Variants in APP observed in about 807,000 individuals in gnomAD.
The protein encoded by APP is amyloid-beta precursor protein.
Under a neutral mutation model 101.4 loss-of-function variants are expected in APP, and 31 were observed. The ratio of observed to expected loss-of-function variants is 0.31; its 90% confidence interval spans 0.23 to 0.41. The LOEUF (loss-of-function observed/expected upper bound fraction) is 0.41, where lower values mean the gene tolerates loss of function less well. APP is among the 10% of genes least tolerant of loss of function. APP has a pLI of 1.00. For synonymous variants in APP, 366 were observed against 364.4 expected (o/e 1.00, Z -0.05); for missense variants, 839 against 1,003.7 (o/e 0.84, Z 2.22).
chr21:25,951,068 G>C (rs1439935862), intron 13 of APP, among the ~76,000 whole-genome samples: 2 of 152,146 alleles, frequency 1.3e-5, no homozygotes, highest in African/African-American at 4.8e-5. Flanking sequence ...CATGAATTTG[G>C]GATTCACTGA....
At chr21:25,950,545 C>A (rs894440265) in intron 13 of APP, among the ~76,000 whole-genome samples, 1 of 151,960 alleles carries the variant, frequency 6.6e-6, no homozygotes, top group African/African-American at 2.4e-5. Context: ...CCATGCCTGG[C>A]TAATCTTTCT....
At chr21:25,909,341 A>G (rs2038950001) in intron 14 of APP, among the ~76,000 whole-genome samples, 1 of 152,090 alleles carries the variant, frequency 6.6e-6, no homozygotes, top group African/African-American at 2.4e-5. Flanking sequence ...ATATATGTCA[A>G]TGTTGGGACT....
At chr21:26,046,888 G>T (rs570376410) in intron 5 of APP, among the ~76,000 whole-genome samples, 1 of 152,018 alleles carries the variant, frequency 6.6e-6, no homozygotes, top group East Asian at 1.9e-4. Context: ...ATTTTCCCAT[G>T]GAAAAAAATC....
intron 6 of APP, among the ~76,000 whole-genome samples, chr21:26,020,002 G>A (rs2044267982): frequency 6.6e-6 from 1 of 152,164 alleles, no homozygotes; most frequent in South Asian, 2.1e-4. Flanking sequence ...ATTAAGTAGG[G>A]AATGATAAAC....
chr21:26,017,926 C>T (rs1292862059), intron 6 of APP, among the ~76,000 whole-genome samples: 1 of 152,116 alleles, frequency 6.6e-6, no homozygotes, highest in African/African-American at 2.4e-5. Context: ...CCAGATAGAT[C>T]TTGCAATCGT....
chr21:26,106,802 C>G (rs2062191998), intron 2 of APP, among the ~76,000 whole-genome samples: 1 of 152,082 alleles, frequency 6.6e-6, no homozygotes, highest in African/African-American at 2.4e-5. Context: ...AGCTTTTTGC[C>G]TCTAGGTCTT....
chr21:26,164,770 C>G (rs529631209), intron 1 of APP, among the ~76,000 whole-genome samples: 26 of 151,118 alleles, frequency 1.7e-4, no homozygotes, highest in Middle Eastern at 3.4e-3. Context: ...GCAGGAGAAT[C>G]GCTTGAACCC....
At chr21:26,029,060 G>C (rs568380337) in intron 5 of APP, among the ~76,000 whole-genome samples, 52 of 152,238 alleles carry the variant, frequency 3.4e-4, no homozygotes, top group African/African-American at 1.2e-3. Flanking sequence ...CAAAGGCCCA[G>C]GTGTGAGGAA....
intron 1 of APP, among the ~76,000 whole-genome samples, chr21:26,168,937 G>A (rs1490603526): frequency 6.6e-6 from 1 of 152,134 alleles, no homozygotes; most frequent in Non-Finnish European, 1.5e-5. Flanking sequence ...CAGCCTCAGT[G>A]GAATTACAGG....
At position 25,881,652 on chromosome 21, in the gene APP, G is replaced by A. The variant is rs201729239; in HGVS notation, c.*18C>T. 77 of 1,610,968 alleles carry A rather than the reference G, an allele frequency of 4.8e-5. No individual in the cohort carries two copies. In the Middle Eastern group the frequency reaches 9.9e-4, roughly 21 times the overall value. Reference sequence around the variant, plus strand: ...AATGGTTTTGCTGTCCAACTTCAGAGGCTGCTGTGGCGGGGGTCTAGTTCT... The same window carrying A: ...AATGGTTTTGCTGTCCAACTTCAGAAGCTGCTGTGGCGGGGGTCTAGTTCT... On this transcript the variant is annotated 3_prime_UTR_variant, in exon 18 of 18. Coordinates refer to ENST00000346798, the MANE Select transcript of APP (RefSeq NM_000484.4).
At chr21:25,956,294 T>C (rs961656214) in intron 11 of APP, among the ~76,000 whole-genome samples, 4 of 152,262 alleles carry the variant, frequency 2.6e-5, no homozygotes, top group African/African-American at 9.6e-5. Flanking sequence ...AGAAAGGCCA[T>C]TGCTAAACTG....
At chr21:25,888,945 A>T (rs2037516641) in intron 17 of APP, among the ~76,000 whole-genome samples, 1 of 152,158 alleles carries the variant, frequency 6.6e-6, no homozygotes, top group Non-Finnish European at 1.5e-5. Context: ...CATCTCATTC[A>T]TTTGGGGAAA....
At chr21:26,097,704 G>C (rs1464264014) in intron 2 of APP, among the ~76,000 whole-genome samples, 2 of 152,184 alleles carry the variant, frequency 1.3e-5, no homozygotes, top group African/African-American at 4.8e-5. Context: ...GTTAGTACAG[G>C]AGTCTGAAAA....
Position 26,021,872 on chromosome 21 carries a change from G to T in APP, c.833C>A (p.Thr278Asn). The T allele has an allele frequency of 6.2e-7, 1 of 1,613,680 alleles. No homozygotes were observed. Among genetic ancestry groups the T allele is most frequent in the Non-Finnish European group, 8.5e-7 (1 of 1,179,858 alleles). ...CACCTCTTCCACAGACTCTGTGGTGGTGGTGGTGGTGGTGGCAATGCTGGT... is the reference window on the plus strand; with the variant it reads ...CACCTCTTCCACAGACTCTGTGGTGTTGGTGGTGGTGGTGGCAATGCTGGT... Reference protein sequence around the residue: ...RTTSIATTTTTTTESVEEVVR... With the variant: ...RTTSIATTTTNTTESVEEVVR... The change falls in exon 6 of 18, where the codon ACC (threonine) becomes AAC (asparagine). Residue 278 changes from threonine to asparagine, a missense_variant. Transcript: ENST00000346798.
chr21:25,967,728 G>A (rs2041848774), intron 11 of APP, among the ~76,000 whole-genome samples: 1 of 152,214 alleles, frequency 6.6e-6, no homozygotes, highest in Non-Finnish European at 1.5e-5. Context: ...CAAGGGGAAA[G>A]GCTCAGACAG....
intron 1 of APP, among the ~76,000 whole-genome samples, chr21:26,117,932 C>T (rs910182142): frequency 5.9e-5 from 9 of 152,172 alleles, no homozygotes; most frequent in African/African-American, 2.2e-4. Flanking sequence ...CTCCTGGAAA[C>T]CTGAAATTCT....
chr21:26,028,805 C>A (rs912271861), intron 5 of APP, among the ~76,000 whole-genome samples: 5 of 151,978 alleles, frequency 3.3e-5, no homozygotes, highest in Non-Finnish European at 7.4e-5. Flanking sequence ...TGGAATCTAT[C>A]TATTAGTTGG....
chr21:25,932,991 A>C (rs567377476), intron 13 of APP, among the ~76,000 whole-genome samples: 5 of 152,336 alleles, frequency 3.3e-5, no homozygotes, highest in Non-Finnish European at 5.9e-5. Context: ...TTTTTTATTG[A>C]TACATAATAG....
At chr21:25,921,181 G>A (rs1467520966) in intron 13 of APP, among the ~76,000 whole-genome samples, 9 of 125,194 alleles carry the variant, frequency 7.2e-5, no homozygotes, top group Non-Finnish European at 1.5e-4. Flanking sequence ...TGAAACCAAC[G>A]AGAACAAAGA....
Sources: allele counts gnomAD v4.1 joint callset (sites outside exome capture counted in the v4.1 genomes callset), GRCh38; gene constraint gnomAD v4.1.1; transcripts MANE v1.5; gene names NCBI Gene and HGNC (gene_info 2026-07-23, HGNC 2026-07-21).